TNS1: variants seen among roughly 807,000 people sequenced by gnomAD.
TNS1 encodes the protein tensin 1.
In TNS1, 62 loss-of-function variants were observed where a neutral mutation model predicts 168.6. That is an observed-to-expected ratio of 0.37 (90% CI 0.30 to 0.45). The LOEUF is 0.45. TNS1 is among the 20% of genes least tolerant of loss of function. TNS1 has a pLI of 1.00. For missense variants in TNS1, 2,240 were observed against 2,339.4 expected, an observed-to-expected ratio of 0.96 and a Z score of 0.88; for synonymous variants, 934 against 933.2, an observed-to-expected ratio of 1.00 and a Z score of -0.02.
intron 23 of TNS1, among the ~76,000 whole-genome samples, chr2:217,820,428 T>C (rs1942649571): frequency 6.6e-6 from 1 of 152,162 alleles, no homozygotes; most frequent in South Asian, 2.1e-4. Flanking sequence ...AATGCTTGGC[T>C]TAGAATCCAG....
intron 22 of TNS1, among the ~76,000 whole-genome samples, chr2:217,828,192 G>T (rs1419171796): frequency 6.6e-6 from 1 of 152,202 alleles, no homozygotes; most frequent in African/African-American, 2.4e-5. Context: ...CCAGCAGAGG[G>T]AAGCATGCTG....
chr2:217,821,843 G>C lies in TNS1; in HGVS notation c.3469C>G (p.Gln1157Glu). 6.3e-7 allele frequency: 1 copy of C among 1,584,326 alleles called. No homozygotes were observed. The highest frequency in any genetic ancestry group is 8.6e-7 in the Non-Finnish European group (1 of 1,166,780). ...EPKSFSAPAT[Q>E]AYGHEIPLRN... Reference sequence around the variant, plus strand: ...AGGGGTATCTCATGGCCATAGGCCTGGGTGGCTGGAGCACTAAAGCTCTTG... The same window carrying C: ...AGGGGTATCTCATGGCCATAGGCCTCGGTGGCTGGAGCACTAAAGCTCTTG... The change falls in exon 23 of 33, where the codon CAG (glutamine) becomes GAG (glutamate). Residue 1157 changes from glutamine to glutamate, a missense_variant. Physicochemically the swap from Gln to Glu is conservative, Grantham distance 29 (BLOSUM62 2). Coordinates refer to ENST00000682258, the MANE Select transcript of TNS1 (RefSeq NM_001387777.1).
chr2:217,861,160 C>T (rs1030285465), intron 18 of TNS1, among the ~76,000 whole-genome samples: 2 of 152,156 alleles, frequency 1.3e-5, no homozygotes, highest in African/African-American at 2.4e-5. Flanking sequence ...TTTAGGGGGC[C>T]GTAACAGTGG....
chr2:217,847,575 T>A lies in TNS1; in HGVS notation c.2942A>T (p.Asp981Val), dbSNP rs1402675784. The A allele has an allele frequency of 6.7e-7, 1 of 1,499,954 alleles. No homozygotes were observed. The highest frequency in any genetic ancestry group is 9.0e-7 in the Non-Finnish European group (1 of 1,117,226). The allele number at this position is 1,499,954 out of a possible 1,614,324, so 92.9% of individuals were successfully genotyped here. ...CTCCTCCTCTGGAGTCCGGGAGGGG[T>A]CTGAAGTCGCTTCCTTTGGTGAGAG... ...PLLSPKEATS[D>V]PSRTPEEEPL... is the part of the protein sequence containing the mutation. Residue 981 changes from aspartate (D) to valine (V), a missense_variant, in exon 19 of 33, where the codon GAC (aspartate) becomes GTC (valine). This residue lies in a region of TNS1 where 2,131 missense variants were observed against 2,171.2 expected (regional missense o/e 0.98). Transcript: ENST00000682258.
rs1958905843 is a variant in TNS1 at position 218,032,446 on chromosome 2, A to G, written c.156+1374T>C. ...AGGAGAATAGCGAGGCTGGGTGTGGACACAGGCAGCAGGAGCTCAGGCTGT... is the reference window on the plus strand; with the variant it reads ...AGGAGAATAGCGAGGCTGGGTGTGGGCACAGGCAGCAGGAGCTCAGGCTGT... On this transcript the variant is annotated intron_variant, in intron 1 of 1. Coordinates refer to the TNS1 transcript ENST00000649572. The surrounding 1 kb of genome is among the most constrained non-coding windows in gnomAD (Gnocchi z 4.0). 6.6e-6 allele frequency among the ~76,000 whole-genome samples: 1 copy of G among 152,086 alleles called. No homozygotes were observed. Among genetic ancestry groups the G allele is most frequent in the African/African-American group, 2.4e-5 (1 of 41,404 alleles).
chr2:217,842,360 A>AC (rs60916851), intron 19 of TNS1, among the ~76,000 whole-genome samples: 68,608 of 151,934 alleles, frequency 0.45, 17,002 homozygotes, highest in African/African-American at 0.68. Context: ...TTCCCCTGAA[A>AC]CTGCTCTTCA....
chr2:217,902,667 G>A (rs1953148772), intron 6 of TNS1, among the ~76,000 whole-genome samples: 1 of 152,130 alleles, frequency 6.6e-6, no homozygotes, highest in South Asian at 2.1e-4. Context: ...ACAGAGTCTG[G>A]CCAGGCCGCC....
chr2:217,964,485 G>A (rs866940394), intron 3 of TNS1, among the ~76,000 whole-genome samples: 23 of 152,314 alleles, frequency 1.5e-4, no homozygotes, highest in South Asian at 6.2e-4. Context: ...CTGTGTGAGC[G>A]CACTGCTCAA....
At chr2:217,892,874 G>A (rs893068294) in intron 11 of TNS1, 74 bp downstream of exon 11, 5 of 1,502,854 alleles carry the variant, frequency 3.3e-6, no homozygotes, top group Non-Finnish European at 3.7e-6. Context: ...GGAGCAGAGA[G>A]GCTGTGGGTG....
rs200108667 is a variant in TNS1, at chr2:217,833,020, C to T, written c.3281-1473G>A. On this transcript the variant is annotated intron_variant, in intron 21 of 32. Transcript: ENST00000682258. The stretch of plus-strand genomic sequence containing the variant: ...CTCTTCCCTGTCATGGTGTCTTGCT[C>T]ATAGACGCTTATCAAACACTTATTA... Among the ~76,000 whole-genome samples the T allele has an allele frequency of 2.6e-5, 4 of 152,318 alleles. No homozygotes were observed. The East Asian group carries it at 5.8e-4, about 22-fold the overall frequency.
chr2:218,020,114 T>C (rs1958794908), intron 1 of TNS1, among the ~76,000 whole-genome samples: 1 of 152,004 alleles, frequency 6.6e-6, no homozygotes, highest in Non-Finnish European at 1.5e-5. Flanking sequence ...TTTCTATTAT[T>C]GAAGCATAAA....
intron 12 of TNS1, among the ~76,000 whole-genome samples, chr2:217,889,298 G>A (rs912032367): frequency 1.3e-5 from 2 of 152,206 alleles, no homozygotes; most frequent in East Asian, 1.9e-4. Flanking sequence ...TTACAATGGC[G>A]GGAATAGCCC....
rs1187182097 is a variant in TNS1, at chr2:217,995,806, C to T, written c.34-4750G>A. 6.6e-6 allele frequency among the ~76,000 whole-genome samples: 1 copy of T among 152,206 alleles called. No individual in the cohort carries two copies. ...CCCACCTCTCTCAAGAGCCAGGGCCCAGGAAAGGGGAAGGGCTCCAGCCTA... is the reference window on the plus strand; with the variant it reads ...CCCACCTCTCTCAAGAGCCAGGGCCTAGGAAAGGGGAAGGGCTCCAGCCTA... On this transcript the variant is annotated intron_variant, in intron 1 of 32. Coordinates refer to ENST00000682258, the MANE Select transcript of TNS1 (RefSeq NM_001387777.1). The surrounding 1 kb of genome is among the most constrained non-coding windows in gnomAD (Gnocchi z 4.1).
intron 32 of TNS1, 29 bp downstream of exon 32, chr2:217,808,046 G>T: frequency 6.2e-7 from 1 of 1,612,798 alleles, no homozygotes; most frequent in Non-Finnish European, 8.5e-7. Flanking sequence ...AGGCCAGCCT[G>T]CTGGGCAGGG....
rs149122582 is a variant in TNS1 at position 217,817,769 on chromosome 2, G to A, written c.4563C>T (p.Ser1521=). 2,044 of 1,614,108 alleles carry A rather than the reference G, an allele frequency of 1.3e-3. 3 individuals carry two copies. Among genetic ancestry groups the A allele is most frequent in the Non-Finnish European group, 1.6e-3 (1,892 of 1,180,006 alleles). ...INGKVSSPVA[S]GMSSPSGGST... ...TGCCCCCACTGGGACTGGACATGCC[G>A]CTGGCGACAGGCGAAGACACCTTCC... The change falls in exon 24 of 33, where the codon AGC becomes AGT. Residue 1521 remains serine, a synonymous_variant. Coordinates refer to ENST00000682258, the MANE Select transcript of TNS1 (RefSeq NM_001387777.1).
intron 28 of TNS1, among the ~76,000 whole-genome samples, chr2:217,811,765 C>A (rs1034526259): frequency 6.6e-6 from 1 of 152,208 alleles, no homozygotes; most frequent in Non-Finnish European, 1.5e-5. Flanking sequence ...CCTTCCCTAG[C>A]CCTGCCGTCT....
chr2:217,817,588 C>T (rs1034023214), intron 24 of TNS1, 102 bp downstream of exon 24: 46 of 980,392 alleles, frequency 4.7e-5, no homozygotes, highest in Non-Finnish European at 6.9e-5. Flanking sequence ...CACCCAGGGT[C>T]GTCTGCCAAG....
At chr2:218,001,149 T>A (rs896891884) in intron 1 of TNS1, among the ~76,000 whole-genome samples, 1 of 148,182 alleles carries the variant, frequency 6.7e-6, no homozygotes, top group African/African-American at 2.5e-5. Flanking sequence ...TGAGACTCCA[T>A]CTCAATTAAA....
chr2:217,819,948 CG>C (rs758753318), intron 23 of TNS1, among the ~76,000 whole-genome samples: 1 of 152,000 alleles, frequency 6.6e-6, no homozygotes, highest in Non-Finnish European at 1.5e-5. Context: ...CTCAGGTTCA[CG>C]GGGTGATATG....
Sources: gnomAD v4.1 joint callset for allele counts (sites outside exome capture counted in the v4.1 genomes callset) on GRCh38, gnomAD v4.1.1 for gene constraint, gnomAD v4.1.1 regional missense constraint, Gnocchi (gnomAD v3.1) non-coding constraint, MANE v1.5 for transcripts, NCBI Gene and HGNC (gene_info 2026-07-23, HGNC 2026-07-21) for gene names.